The following CNGA2 variants were observed in gnomAD, a reference collection of about 807,000 sequenced individuals.
CNGA2 encodes cyclic nucleotide-gated channel alpha-2.
A neutral mutation model predicts 35.9 loss-of-function variants in CNGA2; 22 were observed. The observed-to-expected ratio is 0.61, with a 90% CI of 0.44 to 0.88. CNGA2 has a LOEUF of 0.88. Among genes scored for constraint, CNGA2 ranks in the 40% least tolerant of loss-of-function variants. The pLI, the probability that CNGA2 is intolerant of heterozygous loss-of-function variation, is 0.00. For synonymous variants in CNGA2, 217 were observed against 209.2 expected (o/e 1.04, Z -0.32); for missense variants, 555 against 530.8 (o/e 1.05, Z -0.45).
intron 6 of CNGA2, 54 bp from the exon 7 acceptor site, chrX:151,743,032 ATATATAT>A: frequency 2.6e-6 from 1 of 386,017 alleles, no homozygotes. Flanking sequence ...ATATATGCAC[ATATATAT>A]GTATATATAT....
rs1487887560 is a variant in CNGA2 at position 151,743,768 on chromosome X, C to G, written c.1265C>G (p.Thr422Arg). The G allele has an allele frequency of 6.6e-6, 8 of 1,209,771 alleles. No individual in the cohort carries two copies. Among genetic ancestry groups the G allele is most frequent in the Non-Finnish European group, 8.9e-6 (8 of 895,212 alleles). ...WFDYLWTNKKTVDEREILKNL... is the reference protein window; with the variant it reads ...WFDYLWTNKKRVDEREILKNL... ...GACTACTTGTGGACCAATAAGAAGACAGTGGATGAGCGAGAAATTCTCAAG... is the reference window on the plus strand; with the variant it reads ...GACTACTTGTGGACCAATAAGAAGAGAGTGGATGAGCGAGAAATTCTCAAG... The change falls in exon 7 of 7, where the codon ACA becomes AGA. Residue 422 changes from threonine to arginine, a missense_variant. Thr to Arg is a moderately conservative substitution (Grantham distance 71). Transcript: ENST00000329903.
chrX:151,742,420 T>C (rs2015313625), intron 5 of CNGA2, 116 bp from the exon 6 acceptor site: 2 of 506,210 alleles, frequency 4.0e-6, no homozygotes, highest in Admixed American at 6.4e-5. Flanking sequence ...TGACTGTGAC[T>C]AAATGATGCC....
chrX:151,741,850 G>C (rs1388127532), intron 5 of CNGA2, among the ~76,000 whole-genome samples: 2 of 112,540 alleles, frequency 1.8e-5, no homozygotes, highest in Admixed American at 9.3e-5. Context: ...AGTCTCAGTG[G>C]GAAGGGGAGG....
At chrX:151,739,388 C>T (rs1290273075) in intron 3 of CNGA2, among the ~76,000 whole-genome samples, 174 bp from the exon 4 acceptor site, 1 of 112,521 alleles carries the variant, frequency 8.9e-6, no homozygotes, top group Non-Finnish European at 1.9e-5. Context: ...CAGCCCCCTG[C>T]CCTATGGCCT....
At position 151,738,542 on chromosome X, in the gene CNGA2, C is replaced by T. The variant is rs1349236372; in HGVS notation, c.59C>T (p.Ala20Val). 1 of 1,211,606 alleles carries T rather than the reference C, an allele frequency of 8.3e-7. No individual in the cohort carries two copies. The highest frequency in any genetic ancestry group is 3.0e-5 in the East Asian group (1 of 33,824). The change falls in exon 2 of 7, where the codon GCA (alanine) becomes GTA (valine). Residue 20 changes from alanine to valine, a missense_variant. Ala to Val is a moderately conservative substitution (Grantham distance 64). Transcript: ENST00000329903. ...CCAGCCAATAATCACAACCATCATG[C>T]ACCTCCTGCCATCAAGGCCAATGGC... ...SSPANNHNHH[A>V]PPAIKANGKD... is the part of the protein sequence containing the mutation.
chrX:151,737,637 G>A (rs932673495), intron 1 of CNGA2, among the ~76,000 whole-genome samples: 6 of 111,755 alleles, frequency 5.4e-5, no homozygotes, highest in African/African-American at 2.0e-4. Flanking sequence ...AGGCTCCACA[G>A]AGCAGCCAGA....
chrX:151,735,298 T>C (rs1168604372), intron 1 of CNGA2, among the ~76,000 whole-genome samples: 2 of 112,122 alleles, frequency 1.8e-5, no homozygotes, highest in Non-Finnish European at 3.8e-5. Flanking sequence ...TTCTCTTTGG[T>C]AGGTACATGG....
rs145745652 is a variant in CNGA2 at position 151,743,394 on chromosome X, C to T, written c.891C>T (p.Ser297=). Residue 297 remains serine (S), a synonymous_variant, in exon 7 of 7, where the codon TCC becomes TCT. Coordinates refer to ENST00000329903, the MANE Select transcript of CNGA2 (RefSeq NM_005140.3). ...HWNACIYYAI[S]KSIGFGVDTW... is the part of the protein sequence containing the mutation. ...ATGCCTGCATCTATTATGCCATCTCCAAATCCATAGGCTTTGGGGTCGACA... is the reference window on the plus strand; with the variant it reads ...ATGCCTGCATCTATTATGCCATCTCTAAATCCATAGGCTTTGGGGTCGACA... 79 of 1,207,324 alleles carry T rather than the reference C, an allele frequency of 6.5e-5. No homozygotes were observed. Among genetic ancestry groups the T allele is most frequent in the Middle Eastern group, 2.3e-4 (1 of 4,374 alleles).
In CNGA2 at chrX:151,743,760, T is replaced by TAAG; in HGVS notation, c.1262_1264dup (p.Lys421dup). 1 of 1,211,548 alleles carries TAAG rather than the reference T, an allele frequency of 8.3e-7. No individual in the cohort carries two copies. Among genetic ancestry groups the TAAG allele is most frequent in the Non-Finnish European group, 1.1e-6 (1 of 895,521 alleles). On this transcript the variant is annotated inframe_insertion, in exon 7 of 7. Coordinates refer to ENST00000329903, the MANE Select transcript of CNGA2 (RefSeq NM_005140.3). ...GGTGGTTTGACTACTTGTGGACCAATAAGAAGACAGTGGATGAGCGAGAAA... is the reference window on the plus strand; with the variant it reads ...GGTGGTTTGACTACTTGTGGACCAATAAGAAGAAGACAGTGGATGAGCGAGAAA...
At chrX:151,740,136 C>A (rs182545151) in intron 4 of CNGA2, among the ~76,000 whole-genome samples, 132 of 111,899 alleles carry the variant, frequency 1.2e-3, no homozygotes, top group Non-Finnish European at 2.1e-3. Flanking sequence ...GGAGGAGAAG[C>A]GCTGAATGAT....
At chrX:151,742,943 T>TATATATATATATATATATATATACAC (rs2015322586) in intron 6 of CNGA2, 150 bp from the exon 7 acceptor site, 1 of 70,804 alleles carries the variant, frequency 1.4e-5, no homozygotes, top group African/African-American at 6.7e-5. Flanking sequence ...TATATATATG[T>TATATATATATATATATATATATACAC]ATATGTATAT....
chrX:151,737,204 T>C (rs1168867390), intron 1 of CNGA2, among the ~76,000 whole-genome samples: 1 of 109,601 alleles, frequency 9.1e-6, no homozygotes, highest in Non-Finnish European at 1.9e-5. Flanking sequence ...AATCTGGGGG[T>C]CATGCTGACC....
Position 151,744,603 on chromosome X carries a change from C to T in CNGA2, c.*105C>T. The T allele has an allele frequency of 2.4e-5, 17 of 714,247 alleles. No homozygotes were observed. Among genetic ancestry groups the T allele is most frequent in the Non-Finnish European group, 3.4e-5 (17 of 498,265 alleles). The allele number at this position is 714,247 out of a possible 1,213,427, so 58.9% of individuals were successfully genotyped here. ...TTTACATGCATTACCCTCATGTTCC[C>T]TGAATTCTCCCAAAAGCCTCTCTGA... On this transcript the variant is annotated 3_prime_UTR_variant, in exon 7 of 7. Coordinates refer to ENST00000329903, the MANE Select transcript of CNGA2 (RefSeq NM_005140.3).
chrX:151,739,716 G>A lies in CNGA2; in HGVS notation c.358G>A (p.Glu120Lys), dbSNP rs149176714. 82 of 1,209,602 alleles carry A rather than the reference G, an allele frequency of 6.8e-5. No homozygotes were observed. Among genetic ancestry groups the A allele is most frequent in the Admixed American group, 1.5e-4 (7 of 45,746 alleles). The part of the protein sequence containing the change: ...EGDGKGDKDG[E>K]DKGTKKKFEL... ...GGATGGCAAAGGCGACAAGGATGGC[G>A]AGGACAAAGGCACCAAGTACAGCTG... Residue 120 changes from glutamate to lysine, a missense_variant, in exon 4 of 7, where the codon GAG (glutamate) becomes AAG (lysine). Coordinates refer to ENST00000329903, the MANE Select transcript of CNGA2 (RefSeq NM_005140.3).
At chrX:151,742,505 G>T (rs1349219557) in intron 5 of CNGA2, 31 bp from the exon 6 acceptor site, 2 of 1,132,749 alleles carry the variant, frequency 1.8e-6, no homozygotes, top group Non-Finnish European at 2.4e-6. Flanking sequence ...GGCTGGCTTT[G>T]GGGGTGAAGC....
rs756335137 is a variant in CNGA2 at position 151,738,596 on chromosome X, G to A, written c.110+3G>A. On this transcript the variant is annotated splice_donor_region_variant and intron_variant, in intron 2 of 6. Transcript: ENST00000329903. ...GATGACCACAGGACAAGCAGCAGGT[G>A]AGTCTGCATGGTATCAGGGAAGGTA... The A allele has an allele frequency of 2.5e-6, 3 of 1,190,162 alleles. No individual in the cohort carries two copies. In the Admixed American group the frequency reaches 6.6e-5, roughly 26 times the overall value.
chrX:151,739,081 G>T (rs745436003), intron 3 of CNGA2, among the ~76,000 whole-genome samples: 1 of 112,384 alleles, frequency 8.9e-6, no homozygotes, highest in Non-Finnish European at 1.9e-5. Context: ...GGGGCCAGAA[G>T]AGGCCTCCCT....
rs1026292819 is a variant in CNGA2, at chrX:151,743,927, T to C, written c.1424T>C (p.Phe475Ser). ...ELVLKLRPQV[F>S]SPGDYICRKG... The stretch of plus-strand genomic sequence containing the variant: ...GTACTGAAACTCCGTCCTCAGGTCT[T>C]CAGTCCTGGGGATTACATTTGCCGC... Residue 475 changes from phenylalanine (F) to serine (S), a missense_variant, in exon 7 of 7, where the codon TTC becomes TCC. Coordinates refer to ENST00000329903, the MANE Select transcript of CNGA2 (RefSeq NM_005140.3). The C allele has an allele frequency of 9.9e-6, 12 of 1,208,680 alleles. No individual in the cohort carries two copies. The highest frequency in any genetic ancestry group is 1.2e-5 in the Non-Finnish European group (11 of 894,741).
chrX:151,739,640 C>G lies in CNGA2; in HGVS notation c.282C>G (p.Phe94Leu). The change falls in exon 4 of 7, where the codon TTC becomes TTG. Residue 94 changes from phenylalanine (F) to leucine (L), a missense_variant. Coordinates refer to ENST00000329903, the MANE Select transcript of CNGA2 (RefSeq NM_005140.3). ...AGGAGGAACCTAGGCCTGACTCATT[C>G]CTCGAGCGTTTTCGTGGGCCTGAAC... is the stretch of plus-strand genomic sequence containing the variant. ...FREEEPRPDS[F>L]LERFRGPELQ... is the part of the protein sequence containing the mutation. The G allele has an allele frequency of 8.3e-7, 1 of 1,211,647 alleles. No homozygotes were observed. The highest frequency in any genetic ancestry group is 1.1e-6 in the Non-Finnish European group (1 of 895,462).
Sources: allele counts gnomAD v4.1 joint callset (sites outside exome capture counted in the v4.1 genomes callset), GRCh38; gene constraint gnomAD v4.1.1; transcripts MANE v1.5; gene names NCBI Gene and HGNC (gene_info 2026-07-23, HGNC 2026-07-21).